CORIN: variants seen among roughly 807,000 people sequenced by gnomAD.
The protein encoded by CORIN is corin, serine peptidase.
A neutral mutation model predicts 125.3 loss-of-function variants in CORIN; 117 were observed. The observed-to-expected ratio is 0.93, with a 90% CI of 0.80 to 1.09. The LOEUF (loss-of-function observed/expected upper bound fraction) is 1.09. Ranked by LOEUF, CORIN falls within the 50% of genes least tolerant of loss-of-function variation. The pLI, the probability that CORIN is intolerant of heterozygous loss-of-function variation, is 0.00. For synonymous variants in CORIN, 450 were observed against 466.4 expected, an observed-to-expected ratio of 0.96 and a Z score of 0.45; for missense variants, 1,253 against 1,306.7, an observed-to-expected ratio of 0.96 and a Z score of 0.63.
chr4:47,760,065 A>G (rs1713122776), intron 4 of CORIN, among the ~76,000 whole-genome samples: 1 of 152,190 alleles, frequency 6.6e-6, no homozygotes, highest in South Asian at 2.1e-4. Flanking sequence ...AAGGTTTTCA[A>G]TTTTCTTTGC....
chr4:47,618,745 G>A (rs1722183572), intron 19 of CORIN, among the ~76,000 whole-genome samples: 1 of 152,054 alleles, frequency 6.6e-6, no homozygotes, highest in African/African-American at 2.4e-5. Context: ...CATGAACCCA[G>A]GAGGCGGAGC....
rs1159974406 is a variant in CORIN at position 47,603,666 on chromosome 4, C to T, written c.2543G>A (p.Arg848Lys). Residue 848 changes from arginine (R) to lysine (K), a missense_variant and splice_region_variant, in exon 20 of 22, where the codon AGA (arginine) becomes AAA (lysine). Coordinates refer to ENST00000273857, the MANE Select transcript of CORIN (RefSeq NM_006587.4). ...CACTTTCCAAACTGCAGCATTCTCT[C>T]TCCTAAAATTATAATTCAAGAGCTA... Reference protein sequence around the residue: ...VLTVAHCFEGRENAAVWKVVL... With the variant: ...VLTVAHCFEGKENAAVWKVVL... 6.2e-7 allele frequency: 1 copy of T among 1,610,908 alleles called. No individual in the cohort carries two copies. Among genetic ancestry groups the T allele is most frequent in the Non-Finnish European group, 8.5e-7 (1 of 1,177,356 alleles).
At chr4:47,830,467 T>C (rs750290970) in intron 1 of CORIN, among the ~76,000 whole-genome samples, 2 of 152,170 alleles carry the variant, frequency 1.3e-5, no homozygotes, top group African/African-American at 2.4e-5. Context: ...AACATTCATC[T>C]CTCCTCCCTG....
intron 6 of CORIN, among the ~76,000 whole-genome samples, chr4:47,691,863 C>T (rs555426199): frequency 1.3e-5 from 2 of 151,910 alleles, no homozygotes; most frequent in South Asian, 2.1e-4. Flanking sequence ...GACAAAGGAG[C>T]GTCCTAGCCC....
At chr4:47,686,751 T>C (rs1182685781) in intron 6 of CORIN, among the ~76,000 whole-genome samples, 2 of 152,202 alleles carry the variant, frequency 1.3e-5, no homozygotes, top group Admixed American at 1.3e-4. Context: ...CAGTGCAAAG[T>C]ATACGCATGC....
chr4:47,601,859 C>T (rs963106865), intron 20 of CORIN, among the ~76,000 whole-genome samples: 19 of 152,074 alleles, frequency 1.2e-4, no homozygotes, highest in Admixed American at 8.5e-4. Context: ...AGAAAAGAAA[C>T]TCAATGTAAG....
chr4:47,635,306 AAC>A (rs199663587), intron 16 of CORIN, among the ~76,000 whole-genome samples: 1 of 147,094 alleles, frequency 6.8e-6, no homozygotes, highest in African/African-American at 2.5e-5. Flanking sequence ...ACAAATTACA[AAC>A]ATGTAAAAAA....
At chr4:47,775,551 C>T (rs1730259119) in intron 3 of CORIN, among the ~76,000 whole-genome samples, 1 of 152,040 alleles carries the variant, frequency 6.6e-6, no homozygotes. Flanking sequence ...ATGAACTCAT[C>T]CTTTTTTATG....
intron 3 of CORIN, among the ~76,000 whole-genome samples, chr4:47,777,643 T>C (rs551443462): frequency 6.6e-6 from 1 of 151,986 alleles, no homozygotes; most frequent in South Asian, 2.1e-4. Flanking sequence ...AAACAGAAAT[T>C]CAAACACCAC....
At chr4:47,827,409 G>A (rs1732790177) in intron 1 of CORIN, among the ~76,000 whole-genome samples, 1 of 152,206 alleles carries the variant, frequency 6.6e-6, no homozygotes, top group Non-Finnish European at 1.5e-5. Context: ...AGCCTTGTAA[G>A]AGATGTATTA....
intron 16 of CORIN, among the ~76,000 whole-genome samples, chr4:47,634,035 G>T (rs949417949): frequency 6.6e-6 from 1 of 151,956 alleles, no homozygotes; most frequent in East Asian, 1.9e-4. Context: ...TAAAAAATCG[G>T]CATTTTAAAA....
intron 1 of CORIN, among the ~76,000 whole-genome samples, chr4:47,832,481 A>G (rs570397355): frequency 1.3e-3 from 152 of 117,478 alleles, no homozygotes; most frequent in African/African-American, 5.1e-3. Flanking sequence ...GTCTCGCTCT[A>G]TCACCCAGGC....
chr4:47,672,948 A>C (rs551333905), intron 10 of CORIN, among the ~76,000 whole-genome samples: 59 of 152,124 alleles, frequency 3.9e-4, no homozygotes, highest in Non-Finnish European at 7.8e-4. Flanking sequence ...AGAGGTACTC[A>C]CTATAAGCTC....
chr4:47,605,972 A>G (rs1357044532), intron 19 of CORIN, among the ~76,000 whole-genome samples: 2 of 152,168 alleles, frequency 1.3e-5, no homozygotes, highest in South Asian at 2.1e-4. Flanking sequence ...GACCCCCTCT[A>G]TATAGTCATG....
intron 2 of CORIN, among the ~76,000 whole-genome samples, chr4:47,795,654 A>T (rs1048284690): frequency 6.6e-6 from 1 of 152,092 alleles, no homozygotes; most frequent in Non-Finnish European, 1.5e-5. Context: ...CAATCAACAG[A>T]GGTTGAGTGG....
At chr4:47,699,661 A>G (rs994548851) in intron 5 of CORIN, among the ~76,000 whole-genome samples, 1 of 152,260 alleles carries the variant, frequency 6.6e-6, no homozygotes, top group African/African-American at 2.4e-5. Context: ...GCATGAATAA[A>G]TGATCGTTCC....
chr4:47,626,314 T>A (rs560835986), intron 17 of CORIN, 91 bp downstream of exon 17: 4 of 788,102 alleles, frequency 5.1e-6, no homozygotes, highest in Non-Finnish European at 8.9e-6. Flanking sequence ...CAAATTTGGA[T>A]TATCTTAAGT....
chr4:47,667,844 A>G (rs1724552355), intron 10 of CORIN, among the ~76,000 whole-genome samples: 1 of 152,192 alleles, frequency 6.6e-6, no homozygotes, highest in Non-Finnish European at 1.5e-5. Flanking sequence ...GGGGTTGGAC[A>G]TTATGGACTA....
chr4:47,771,998 T>C (rs961690572), intron 3 of CORIN, among the ~76,000 whole-genome samples: 1 of 152,146 alleles, frequency 6.6e-6, no homozygotes, highest in Non-Finnish European at 1.5e-5. Flanking sequence ...TAATTGTATA[T>C]ATTCTAGACT....
Sources: allele counts gnomAD v4.1 joint callset (sites outside exome capture counted in the v4.1 genomes callset), GRCh38; gene constraint gnomAD v4.1.1; transcripts MANE v1.5; gene names NCBI Gene and HGNC (gene_info 2026-07-23, HGNC 2026-07-21).